HPSE2: variants seen among roughly 807,000 people sequenced by gnomAD.
HPSE2 encodes the protein heparanase 2 (inactive).
A neutral mutation model predicts 60.5 loss-of-function variants in HPSE2; 38 were observed. That is an observed-to-expected ratio of 0.63 (90% CI 0.48 to 0.82). The LOEUF is 0.82. Among genes scored for constraint, HPSE2 ranks in the 40% least tolerant of loss-of-function variants. The probability of loss-of-function intolerance (pLI) is 0.00; values close to 1 mark genes in which losing one functional copy is unlikely to be tolerated. For missense variants in HPSE2, 713 were observed against 740.4 expected, an observed-to-expected ratio of 0.96 and a Z score of 0.43; for synonymous variants, 295 against 293.2, an observed-to-expected ratio of 1.01 and a Z score of -0.06.
intron 9 of HPSE2, among the ~76,000 whole-genome samples, chr10:98,560,059 G>C: frequency 6.6e-6 from 1 of 152,174 alleles, no homozygotes; most frequent in East Asian, 1.9e-4. Context: ...AGACTTTACT[G>C]TATAGGTAGT....
chr10:98,776,824 A>C (rs1214998331), intron 3 of HPSE2, among the ~76,000 whole-genome samples: 2 of 152,158 alleles, frequency 1.3e-5, no homozygotes, highest in Non-Finnish European at 2.9e-5. Context: ...GAATCAATGA[A>C]TATTGGGTTT....
Position 98,489,410 on chromosome 10 carries a change from C to T in HPSE2, c.1466+641G>A, listed in dbSNP as rs75360050. Among the ~76,000 whole-genome samples, 19 of 152,266 alleles carry T rather than the reference C, an allele frequency of 1.2e-4. No individual in the cohort carries two copies. In the East Asian group the frequency reaches 3.5e-3, roughly 28 times the overall value. On this transcript the variant is annotated intron_variant, in intron 10 of 11. Transcript: ENST00000370552. Reference sequence around the variant, plus strand: ...TTCTTCAGATCAAAAAGAGGATAACCCCACACTACCACATTAGGTTGTTGT... The same window carrying T: ...TTCTTCAGATCAAAAAGAGGATAACTCCACACTACCACATTAGGTTGTTGT...
chr10:98,968,496 C>G (rs1589440537), intron 3 of HPSE2, among the ~76,000 whole-genome samples: 1 of 152,288 alleles, frequency 6.6e-6, no homozygotes, highest in East Asian at 1.9e-4. Flanking sequence ...AATCCGACTA[C>G]TGGGTATTTA....
chr10:99,012,272 G>A lies in HPSE2; in HGVS notation c.610+131966C>T, dbSNP rs375663523. 7.8e-4 allele frequency among the ~76,000 whole-genome samples: 119 copies of A among 152,098 alleles called. 1 individual carries two copies. The highest frequency in any genetic ancestry group is 6.6e-4 in the Non-Finnish European group (45 of 67,982). ...TAATTTAGATGCCATAAGAACCATTGAAAGTAATAATCTGATAATTACTCA... is the reference window on the plus strand; with the variant it reads ...TAATTTAGATGCCATAAGAACCATTAAAAGTAATAATCTGATAATTACTCA... On this transcript the variant is annotated intron_variant, in intron 3 of 11. Transcript: ENST00000370552.
chr10:98,834,156 T>C (rs528160870), intron 3 of HPSE2, among the ~76,000 whole-genome samples: 2 of 152,246 alleles, frequency 1.3e-5, no homozygotes, highest in East Asian at 3.9e-4. Flanking sequence ...ATGACAAGAC[T>C]TATAGCTTCC....
chr10:98,842,237 G>A (rs1375224636), intron 3 of HPSE2, among the ~76,000 whole-genome samples: 1 of 152,034 alleles, frequency 6.6e-6, no homozygotes, highest in Non-Finnish European at 1.5e-5. Flanking sequence ...AGCAGTATAT[G>A]TTGAAGTATA....
the HPSE2 span, among the ~76,000 whole-genome samples, chr10:99,246,218 T>C: frequency 3.5e-4 from 54 of 152,140 alleles, no homozygotes; most frequent in Non-Finnish European, 7.1e-4. Context: ...TTCAAGGCAA[T>C]ACTTAACCAA....
chr10:98,622,788 G>C (rs1946107845), intron 7 of HPSE2, among the ~76,000 whole-genome samples: 1 of 152,018 alleles, frequency 6.6e-6, no homozygotes, highest in Non-Finnish European at 1.5e-5. Flanking sequence ...CACAAAAAAA[G>C]AAGAGTCGTT....
rs200832741 is a variant in HPSE2, at chr10:98,920,032, T to C, written c.611-175976A>G. ...TGCTGCTAGAAGCATAGCTGTCTGA[T>C]AGTCTCCAGCTGCTGTATGTTTAGA... On this transcript the variant is annotated intron_variant, in intron 3 of 11. Transcript: ENST00000370552. Among the ~76,000 whole-genome samples, 13 of 152,330 alleles carry C rather than the reference T, an allele frequency of 8.5e-5. No homozygotes were observed. The East Asian group carries it at 1.2e-3, about 14-fold the overall frequency.
chr10:98,991,782 T>C (rs1325933033), intron 3 of HPSE2, among the ~76,000 whole-genome samples: 2 of 150,990 alleles, frequency 1.3e-5, no homozygotes, highest in East Asian at 3.9e-4. Context: ...GTAAGATTGG[T>C]GGGCATCACC....
At chr10:98,476,140 G>A (rs1244705657) in intron 11 of HPSE2, among the ~76,000 whole-genome samples, 2 of 151,438 alleles carry the variant, frequency 1.3e-5, no homozygotes, top group African/African-American at 4.9e-5. Flanking sequence ...ATACTATGCA[G>A]CCATAAAAAA....
intron 3 of HPSE2, among the ~76,000 whole-genome samples, chr10:99,133,510 T>C (rs1845527896): frequency 6.6e-6 from 1 of 152,144 alleles, no homozygotes; most frequent in African/African-American, 2.4e-5. Context: ...ATTTGGCAGG[T>C]TCCCCTCTGG....
At position 98,467,931 on chromosome 10, in the gene HPSE2, C is replaced by T. The variant is rs550364444; in HGVS notation, c.1614-8192G>A. On this transcript the variant is annotated intron_variant, in intron 11 of 11. Coordinates refer to ENST00000370552, the MANE Select transcript of HPSE2 (RefSeq NM_021828.5). ...CCAGCGTGCAGAGAACGGGGGGTCC[C>T]AGGGCAGGTGCGGGGTCTGCGGCGC... Among the ~76,000 whole-genome samples the T allele has an allele frequency of 6.1e-4, 93 of 152,342 alleles. 1 individual carries two copies. The highest frequency in any genetic ancestry group is 2.1e-3 in the African/African-American group (86 of 41,586).
At chr10:98,766,930 C>CA (rs1461301131) in intron 3 of HPSE2, among the ~76,000 whole-genome samples, 1 of 151,628 alleles carries the variant, frequency 6.6e-6, no homozygotes, top group Admixed American at 6.6e-5. Flanking sequence ...GTCTCAAAAA[C>CA]AAAAAACAAA....
At chr10:98,800,262 A>G (rs1276576568) in intron 3 of HPSE2, among the ~76,000 whole-genome samples, 1 of 151,808 alleles carries the variant, frequency 6.6e-6, no homozygotes, top group East Asian at 1.9e-4. Flanking sequence ...CCAGCTACTC[A>G]GGAGCCTGAG....
chr10:99,308,112 G>A, the HPSE2 span, among the ~76,000 whole-genome samples: 2 of 151,946 alleles, frequency 1.3e-5, no homozygotes. Context: ...AATCGGCCAG[G>A]TGCGGTGGCT....
chr10:99,255,978 G>A, the HPSE2 span, among the ~76,000 whole-genome samples: 8 of 152,262 alleles, frequency 5.3e-5, no homozygotes, highest in South Asian at 2.1e-4. Flanking sequence ...GGCAGAAGGC[G>A]AAGCAGAGGC....
intron 3 of HPSE2, among the ~76,000 whole-genome samples, chr10:99,101,094 A>C (rs917358352): frequency 2.6e-5 from 4 of 152,218 alleles, no homozygotes; most frequent in Non-Finnish European, 5.9e-5. Flanking sequence ...CGAGCAAAAT[A>C]ACCAGCTAAC....
intron 9 of HPSE2, among the ~76,000 whole-genome samples, chr10:98,541,665 C>T (rs1481451353): frequency 6.7e-6 from 1 of 148,394 alleles, no homozygotes; most frequent in Non-Finnish European, 1.5e-5. Flanking sequence ...CAGGAGATTA[C>T]ATCCCACACA....
Sources: allele counts gnomAD v4.1 joint callset (sites outside exome capture counted in the v4.1 genomes callset), GRCh38; gene constraint gnomAD v4.1.1; transcripts MANE v1.5; gene names NCBI Gene and HGNC (gene_info 2026-07-23, HGNC 2026-07-21).